Variants in ERICH3 observed in about 807,000 individuals in gnomAD.
The protein encoded by ERICH3 is glutamate rich 3.
ERICH3 carries 126 observed loss-of-function variants against 131.1 expected under a neutral mutation model. That is an observed-to-expected ratio of 0.96 (90% CI 0.83 to 1.11). The LOEUF is 1.11. Ranked by LOEUF, ERICH3 falls within the 50% of genes most tolerant of loss-of-function variation. The probability of loss-of-function intolerance (pLI) is 0.00; values close to 1 mark genes in which losing one functional copy is unlikely to be tolerated. For missense variants in ERICH3, 2,050 were observed against 1,810.7 expected (o/e 1.13, Z -2.40); for synonymous variants, 695 against 644.6 (o/e 1.08, Z -1.18).
At chr1:74,570,624 A>G (rs1176320047) in intron 14 of ERICH3, among the ~76,000 whole-genome samples, 185 bp from the exon 15 acceptor site, 1 of 152,240 alleles carries the variant, frequency 6.6e-6, no homozygotes, top group Non-Finnish European at 1.5e-5. Flanking sequence ...AACATTTTAT[A>G]TATGTAAAAA....
intron 1 of ERICH3, among the ~76,000 whole-genome samples, chr1:74,672,063 C>G (rs1379495104): frequency 6.6e-6 from 1 of 152,186 alleles, no homozygotes; most frequent in East Asian, 1.9e-4. Context: ...TTTCTGAAAT[C>G]TTAATCATGC....
intron 12 of ERICH3, among the ~76,000 whole-genome samples, chr1:74,587,894 T>C (rs948726401): frequency 2.6e-5 from 4 of 152,214 alleles, no homozygotes; most frequent in African/African-American, 9.6e-5. Context: ...CAAAAATCCT[T>C]TTGAAGATGT....
chr1:74,571,834 C>T lies in ERICH3; in HGVS notation c.3876G>A (p.Glu1292=). The T allele has an allele frequency of 6.2e-7, 1 of 1,612,758 alleles. No individual in the cohort carries two copies. Residue 1292 remains glutamate, a synonymous_variant, in exon 14 of 15, where the codon GAG becomes GAA. Transcript: ENST00000326665. ...AEKFREEAVD[E]DPEEEEDKEC... ...CTTTGTCCTCTTCCTCCTCTGGGTC[C>T]TCATCCACCGCTTCCTCCCTGAACT...
chr1:74,589,304 A>C (rs1185442910), intron 12 of ERICH3: 1 of 450,900 alleles, frequency 2.2e-6, no homozygotes, highest in Non-Finnish European at 3.9e-6. Context: ...GTATTAAATA[A>C]TCTCTAAAAG....
chr1:74,619,298 A>G (rs765179254), intron 8 of ERICH3, among the ~76,000 whole-genome samples: 2 of 152,170 alleles, frequency 1.3e-5, no homozygotes, highest in Non-Finnish European at 2.9e-5. Context: ...ATTTGTATCT[A>G]TCACATTTTC....
In ERICH3 at chr1:74,577,682, A is replaced by C. The variant is rs6702137; in HGVS notation, c.2177-746T>G. Reference sequence around the variant, plus strand: ...AAAACACAATACACAACAGAAGATCATGAAGTAAAGAAATCCATGCAGAGA... The same window carrying C: ...AAAACACAATACACAACAGAAGATCCTGAAGTAAAGAAATCCATGCAGAGA... On this transcript the variant is annotated intron_variant, in intron 12 of 14. Coordinates refer to ENST00000326665, the MANE Select transcript of ERICH3 (RefSeq NM_001002912.5). 5.9e-3 allele frequency among the ~76,000 whole-genome samples: 900 copies of C among 152,332 alleles called. 8 individuals are homozygous for C. The highest frequency in any genetic ancestry group is 0.02 in the African/African-American group (816 of 41,566).
At chr1:74,628,804 A>G (rs1649499686) in intron 7 of ERICH3, among the ~76,000 whole-genome samples, 1 of 152,138 alleles carries the variant, frequency 6.6e-6, no homozygotes, top group African/African-American at 2.4e-5. Context: ...CACCAGTAAG[A>G]TTAAAATAAT....
intron 11 of ERICH3, among the ~76,000 whole-genome samples, chr1:74,598,226 A>T (rs1647947394): frequency 6.6e-6 from 1 of 151,936 alleles, no homozygotes; most frequent in Non-Finnish European, 1.5e-5. Flanking sequence ...AACTTATGCT[A>T]AAAGTGAAAT....
chr1:74,659,827 G>A (rs140684643), intron 1 of ERICH3, among the ~76,000 whole-genome samples: 47 of 152,298 alleles, frequency 3.1e-4, no homozygotes, highest in African/African-American at 1.0e-3. Flanking sequence ...GAGGGAAGAA[G>A]TAAAACTTGG....
At position 74,569,315 on chromosome 1, in the gene ERICH3, C is replaced by T. The variant is rs990775224; in HGVS notation, c.*1143G>A. On this transcript the variant is annotated 3_prime_UTR_variant, in exon 15 of 15. Coordinates refer to ENST00000326665, the MANE Select transcript of ERICH3 (RefSeq NM_001002912.5). ...CTAATGTATATTCTGGCTGGAAAAT[C>T]ACTGCTTAAGGAAATTTTTTTTACC... is the stretch of plus-strand genomic sequence containing the variant. 1 of 152,022 alleles carries T rather than the reference C, an allele frequency of 6.6e-6. No homozygotes were observed. The highest frequency in any genetic ancestry group is 2.4e-5 in the African/African-American group (1 of 41,376). The allele number at this position is 152,022 out of a possible 1,614,324, so 9.4% of individuals were successfully genotyped here. A position where few individuals can be genotyped will look rare whatever the true frequency, so the allele number is the denominator to read the frequency against.
chr1:74,631,480 A>T (rs888520985), intron 7 of ERICH3, among the ~76,000 whole-genome samples: 1 of 152,126 alleles, frequency 6.6e-6, no homozygotes, highest in Non-Finnish European at 1.5e-5. Context: ...ATTAAATTTG[A>T]CCACAAGAAT....
rs999532000 is a variant in ERICH3, at chr1:74,586,506, T to A, written c.2176+3125A>T. 12 of 983,866 alleles carry A rather than the reference T, an allele frequency of 1.2e-5. No homozygotes were observed. In the African/African-American group the frequency reaches 1.9e-4, roughly 16 times the overall value. The allele number at this position is 983,866 out of a possible 1,614,324, so 60.9% of individuals were successfully genotyped here. A position where few individuals can be genotyped will look rare whatever the true frequency, so the allele number is the denominator to read the frequency against. ...CACTTTATTCTTCTCTGTTCTGTAA[T>A]GTTTAAACATTTAAACCAAATTTTT... On this transcript the variant is annotated intron_variant, in intron 12 of 14. Coordinates refer to ENST00000326665, the MANE Select transcript of ERICH3 (RefSeq NM_001002912.5).
chr1:74,606,967 C>G (rs1316421561), intron 9 of ERICH3, 65 bp from the exon 10 acceptor site: 1 of 1,408,938 alleles, frequency 7.1e-7, no homozygotes, highest in Non-Finnish European at 9.6e-7. Flanking sequence ...AACCTCAAAG[C>G]TTTTGAAAGC....
At position 74,612,751 on chromosome 1, in the gene ERICH3, GA is replaced by G; in HGVS notation, c.1058del (p.Phe353SerfsTer2). 5 of 1,599,850 alleles carry G rather than the reference GA, an allele frequency of 3.1e-6. No homozygotes were observed. Among genetic ancestry groups the G allele is most frequent in the African/African-American group, 1.3e-5 (1 of 74,890 alleles). ...ACCTGTTCACCTGCATCCCATTCAG[GA>G]AAAAGGTGAGACTGAAGGGGAAACC... ...HHGFPFSLTF[F>X]LNGMQVNRLS... On this transcript the variant is annotated frameshift_variant, in exon 9 of 15. Transcript: ENST00000326665. LOFTEE classifies it high-confidence loss of function.
chr1:74,583,503 C>G (rs1449228565), intron 12 of ERICH3, among the ~76,000 whole-genome samples: 2 of 152,078 alleles, frequency 1.3e-5, no homozygotes, highest in Non-Finnish European at 2.9e-5. Flanking sequence ...CCTTCTCTCT[C>G]TCTCTGTCTG....
chr1:74,583,299 A>T (rs1348523053), intron 12 of ERICH3, among the ~76,000 whole-genome samples: 1 of 152,136 alleles, frequency 6.6e-6, no homozygotes, highest in Non-Finnish European at 1.5e-5. Flanking sequence ...ACCCTAGCAG[A>T]TGCTTAAAAC....
Position 74,573,332 on chromosome 1 carries a change from C to A in ERICH3, c.2378G>T (p.Gly793Val), listed in dbSNP as rs764527597. ...HRDADIVQGK[G>V]EAALWGEAGA... is the part of the protein sequence containing the mutation. ...TGCTTCTCCCCACAGTGCTGCCTCC[C>A]CTTTTCCCTGTACTATGTCAGCATC... The change falls in exon 14 of 15, where the codon GGG becomes GTG. Residue 793 changes from glycine to valine, a missense_variant. Physicochemically the swap from Gly to Val is moderately radical, Grantham distance 109. Coordinates refer to ENST00000326665, the MANE Select transcript of ERICH3 (RefSeq NM_001002912.5). 57 of 1,609,236 alleles carry A rather than the reference C, an allele frequency of 3.5e-5. No homozygotes were observed. Among genetic ancestry groups the A allele is most frequent in the Non-Finnish European group, 4.8e-5 (56 of 1,178,254 alleles).
intron 12 of ERICH3, among the ~76,000 whole-genome samples, chr1:74,583,560 A>T (rs1647217772): frequency 6.6e-6 from 1 of 152,056 alleles, no homozygotes; most frequent in Non-Finnish European, 1.5e-5. Flanking sequence ...GTTAACCATG[A>T]GTAACTGAAA....
chr1:74,568,927 A>G lies in ERICH3; in HGVS notation c.*1531T>C, dbSNP rs1646903687. ...ACCAAGAGTTTCTAATTTAGTAGGT[A>G]GGAGACAAAGGCTGGGAACAATTTC... On this transcript the variant is annotated 3_prime_UTR_variant, in exon 15 of 15. Coordinates refer to ENST00000326665, the MANE Select transcript of ERICH3 (RefSeq NM_001002912.5). 1.3e-5 allele frequency: 2 copies of G among 152,298 alleles called. No individual in the cohort carries two copies. The highest frequency in any genetic ancestry group is 4.2e-4 in the South Asian group (2 of 4,816). The allele number at this position is 152,298 out of a possible 1,614,324, so 9.4% of individuals were successfully genotyped here.
Sources: gnomAD v4.1 joint callset for allele counts (sites outside exome capture counted in the v4.1 genomes callset) on GRCh38, gnomAD v4.1.1 for gene constraint, MANE v1.5 for transcripts, NCBI Gene and HGNC (gene_info 2026-07-23, HGNC 2026-07-21) for gene names.